CTTNBP2NL: variants seen among roughly 807,000 people sequenced by gnomAD.
CTTNBP2NL encodes the protein CTTNBP2 N-terminal-like protein.
A neutral mutation model predicts 32.5 loss-of-function variants in CTTNBP2NL; 16 were observed. That is an observed-to-expected ratio of 0.49 (90% confidence interval 0.33 to 0.75). The LOEUF (loss-of-function observed/expected upper bound fraction) is 0.75. CTTNBP2NL is among the 30% of genes least tolerant of loss of function. The probability of loss-of-function intolerance (pLI) is 0.02; values close to 1 mark genes in which losing one functional copy is unlikely to be tolerated. For missense variants in CTTNBP2NL, 645 were observed against 756.0 expected (o/e 0.85, Z 1.72); for synonymous variants, 298 against 289.4 (o/e 1.03, Z -0.30).
chr1:112,438,382 G>A (rs1649801036), intron 3 of CTTNBP2NL, among the ~76,000 whole-genome samples: 1 of 152,138 alleles, frequency 6.6e-6, no homozygotes, highest in African/African-American at 2.4e-5. Flanking sequence ...AGTGATTTTT[G>A]TATGTTGATT....
Position 112,458,203 on chromosome 1 carries a change from C to T in CTTNBP2NL, c.*791C>T, listed in dbSNP as rs1650435104. ...ACTGTTGTGTAAGGAACTTCTGATTCTGATTGCTGTTACTTGAATAGGAAA... is the reference window on the plus strand; with the variant it reads ...ACTGTTGTGTAAGGAACTTCTGATTTTGATTGCTGTTACTTGAATAGGAAA... On this transcript the variant is annotated 3_prime_UTR_variant, in exon 6 of 6. Transcript: ENST00000271277. 6.6e-6 allele frequency: 1 copy of T among 152,618 alleles called. No homozygotes were observed. Among genetic ancestry groups the T allele is most frequent in the Admixed American group, 6.5e-5 (1 of 15,284 alleles). The allele number at this position is 152,618 out of a possible 1,614,324, so 9.5% of individuals were successfully genotyped here. A position where few individuals can be genotyped will look rare whatever the true frequency, so the allele number is the denominator to read the frequency against.
chr1:112,411,590 G>A (rs1648868016), intron 1 of CTTNBP2NL, among the ~76,000 whole-genome samples: 1 of 152,152 alleles, frequency 6.6e-6, no homozygotes, highest in Non-Finnish European at 1.5e-5. Context: ...GATGCTAAGA[G>A]GCTGATTTGT....
chr1:112,408,543 A>G (rs1050370303), intron 1 of CTTNBP2NL, among the ~76,000 whole-genome samples: 12 of 152,080 alleles, frequency 7.9e-5, no homozygotes, highest in African/African-American at 2.7e-4. Context: ...CTCCAATATG[A>G]GGTTGTTTTG....
At chr1:112,417,748 C>T (rs572130691) in intron 3 of CTTNBP2NL, among the ~76,000 whole-genome samples, 40 of 152,164 alleles carry the variant, frequency 2.6e-4, no homozygotes, top group African/African-American at 9.4e-4. Flanking sequence ...AGGGGGCAGC[C>T]GGGATTAAAA....
At chr1:112,453,629 G>A (rs1321744592) in intron 4 of CTTNBP2NL, among the ~76,000 whole-genome samples, 3 of 152,096 alleles carry the variant, frequency 2.0e-5, no homozygotes, top group African/African-American at 7.2e-5. Flanking sequence ...GCGCACACCT[G>A]TAGTCCCAGC....
At chr1:112,438,337 T>C (rs1027068237) in intron 3 of CTTNBP2NL, among the ~76,000 whole-genome samples, 6 of 152,210 alleles carry the variant, frequency 3.9e-5, no homozygotes, top group African/African-American at 1.4e-4. Context: ...CTGATTTGGC[T>C]CTCAGCCTGG....
chr1:112,402,591 TG>T (rs1431197931), intron 1 of CTTNBP2NL, among the ~76,000 whole-genome samples: 6 of 152,194 alleles, frequency 3.9e-5, no homozygotes, highest in African/African-American at 1.4e-4. Flanking sequence ...TGTTGGAGAA[TG>T]GGGGCTCCAG....
At chr1:112,437,517 G>GT (rs563177741) in intron 3 of CTTNBP2NL, among the ~76,000 whole-genome samples, 1,740 of 143,766 alleles carry the variant, frequency 0.012, 33 homozygotes, top group African/African-American at 0.04. Flanking sequence ...GAGTTCCTTT[G>GT]TTTTTTTTTG....
At chr1:112,425,523 CAACCATGCTAATAAACTCACTTATT>C (rs1649368293) in intron 3 of CTTNBP2NL, among the ~76,000 whole-genome samples, 1 of 152,018 alleles carries the variant, frequency 6.6e-6, no homozygotes, top group South Asian at 2.1e-4. Context: ...TTATATCCTG[CAACCATGCTAATAAACTCACTTATT>C]AATTCCAGTA....
upstream of CTTNBP2NL, among the ~76,000 whole-genome samples, chr1:112,393,818 A>T (rs1648242087): frequency 6.6e-6 from 1 of 152,168 alleles, no homozygotes; most frequent in Non-Finnish European, 1.5e-5. Context: ...CCATTGCTCT[A>T]AAGGAAGTAG....
At chr1:112,444,943 G>T (rs915809824) in intron 3 of CTTNBP2NL, among the ~76,000 whole-genome samples, 2 of 152,178 alleles carry the variant, frequency 1.3e-5, no homozygotes, top group Admixed American at 1.3e-4. Flanking sequence ...TGGTCTGTGT[G>T]ACTGATAGAA....
At chr1:112,392,539 T>C (rs754528030), upstream of CTTNBP2NL, among the ~76,000 whole-genome samples, 3 of 152,198 alleles carry the variant, frequency 2.0e-5, no homozygotes, top group Non-Finnish European at 2.9e-5. Flanking sequence ...CCAAAATTCA[T>C]GTGCACCCAT....
intron 2 of CTTNBP2NL, 105 bp from the exon 3 acceptor site, chr1:112,416,052 G>A: frequency 1.5e-6 from 1 of 670,696 alleles, no homozygotes; most frequent in Non-Finnish European, 2.6e-6. Flanking sequence ...CCTTTATTAA[G>A]GCATTTGATA....
intron 1 of CTTNBP2NL, among the ~76,000 whole-genome samples, chr1:112,408,996 C>G (rs1353568610): frequency 6.6e-6 from 1 of 152,086 alleles, no homozygotes; most frequent in Non-Finnish European, 1.5e-5. Context: ...GGCGTGGTAG[C>G]ACGCACCTGT....
chr1:112,423,696 C>G (rs1380333468), intron 3 of CTTNBP2NL, among the ~76,000 whole-genome samples: 1 of 152,158 alleles, frequency 6.6e-6, no homozygotes, highest in Non-Finnish European at 1.5e-5. Context: ...AAAAGTTTTT[C>G]ATTTCCATGA....
At chr1:112,444,692 C>T (rs996194913) in intron 3 of CTTNBP2NL, among the ~76,000 whole-genome samples, 1 of 152,162 alleles carries the variant, frequency 6.6e-6, no homozygotes, top group African/African-American at 2.4e-5. Context: ...AAACCCCCTC[C>T]AAACTCTAAT....
At chr1:112,453,568 A>G (rs1650285597) in intron 4 of CTTNBP2NL, among the ~76,000 whole-genome samples, 2 of 152,086 alleles carry the variant, frequency 1.3e-5, no homozygotes, top group South Asian at 2.1e-4. Context: ...CCTGGGCAAG[A>G]TGGCAAAACC....
chr1:112,412,743 A>C (rs967455064), intron 2 of CTTNBP2NL, among the ~76,000 whole-genome samples: 2 of 150,152 alleles, frequency 1.3e-5, no homozygotes, highest in African/African-American at 4.9e-5. Flanking sequence ...CAGCCTCCTG[A>C]GTAGCTGGGA....
chr1:112,405,564 C>T (rs529293050), intron 1 of CTTNBP2NL, among the ~76,000 whole-genome samples: 1 of 152,316 alleles, frequency 6.6e-6, no homozygotes, highest in Non-Finnish European at 1.5e-5. Flanking sequence ...TTCCAAAGTG[C>T]TGGGATTACA....
Sources: gnomAD v4.1 joint callset for allele counts (sites outside exome capture counted in the v4.1 genomes callset) on GRCh38, gnomAD v4.1.1 for gene constraint, MANE v1.5 for transcripts, NCBI Gene and HGNC (gene_info 2026-07-23, HGNC 2026-07-21) for gene names.